PIK3C2G: variants seen among roughly 807,000 people sequenced by gnomAD.
PIK3C2G encodes the protein phosphatidylinositol-4-phosphate 3-kinase catalytic subunit type 2 gamma.
Under a neutral mutation model 181.1 loss-of-function variants are expected in PIK3C2G, and 168 were observed. That is an observed-to-expected ratio of 0.93 (90% CI 0.82 to 1.05). The LOEUF (loss-of-function observed/expected upper bound fraction) is 1.05. Ranked by LOEUF, PIK3C2G falls within the 50% of genes least tolerant of loss-of-function variation. The pLI is 0.00. For synonymous variants in PIK3C2G, 573 were observed against 592.2 expected, an observed-to-expected ratio of 0.97 and a Z score of 0.47; for missense variants, 1,869 against 1,732.8, an observed-to-expected ratio of 1.08 and a Z score of -1.40.
chr12:18,255,248 T>TAAACAAAC lies in PIK3C2G; in HGVS notation c.-79+7169_-79+7170insCAAACAAA, dbSNP rs879496888. Among the ~76,000 whole-genome samples the TAAACAAAC allele has an allele frequency of 4.6e-3, 631 of 135,704 alleles. 2 individuals are homozygous for TAAACAAAC. The highest frequency in any genetic ancestry group is 5.4e-3 in the Non-Finnish European group (331 of 61,020). 89.0% of individuals were successfully genotyped at this position (135,704 alleles called of 152,430 possible). On this transcript the variant is annotated intron_variant, in intron 1 of 11. Transcript: ENST00000535651. ...ATAAATAAATAAATAAATAAATAAA[T>TAAACAAAC]AAATAAACAAACAAACAAACAAATA...
intron 15 of PIK3C2G, among the ~76,000 whole-genome samples, chr12:18,399,047 T>C (rs1944064311): frequency 6.9e-6 from 1 of 145,032 alleles, no homozygotes; most frequent in Admixed American, 6.8e-5. Context: ...TACAAAAAAT[T>C]AGCCGGGCGT....
the PIK3C2G span, among the ~76,000 whole-genome samples, chr12:18,715,335 A>G: frequency 3.3e-5 from 5 of 151,982 alleles, no homozygotes; most frequent in Non-Finnish European, 5.9e-5. Flanking sequence ...TGGAGGCTTC[A>G]CCAACCAAGC....
At chr12:18,405,345 G>C (rs979363661) in intron 16 of PIK3C2G, among the ~76,000 whole-genome samples, 1 of 152,136 alleles carries the variant, frequency 6.6e-6, no homozygotes, top group African/African-American at 2.4e-5. Context: ...TAGCTATAGA[G>C]AGGAAGTATA....
intron 5 of PIK3C2G, among the ~76,000 whole-genome samples, chr12:18,297,480 G>T (rs1313113860): frequency 1.3e-5 from 2 of 151,880 alleles, no homozygotes; most frequent in African/African-American, 4.8e-5. Context: ...TAATGATCAA[G>T]TCAGGATATT....
intron 29 of PIK3C2G, among the ~76,000 whole-genome samples, chr12:18,572,580 C>G (rs1946013565): frequency 6.6e-6 from 1 of 151,458 alleles, no homozygotes; most frequent in Non-Finnish European, 1.5e-5. Context: ...TTACTTTTAT[C>G]ATGCTTGAGC....
At chr12:18,544,958 T>A (rs1944346271) in intron 25 of PIK3C2G, among the ~76,000 whole-genome samples, 1 of 151,878 alleles carries the variant, frequency 6.6e-6, no homozygotes. Flanking sequence ...AGTCTCCTAA[T>A]CTAGCCTCTA....
rs568729786 is a variant in PIK3C2G at position 18,491,536 on chromosome 12, G to C, written c.2771G>C (p.Cys924Ser). The stretch of plus-strand genomic sequence containing the variant: ...CATCTTCCTCTGAACCCTGCCCTAT[G>C]TATAAAAGGGATTGATCACGATGTA... ...TCHLPLNPAL[C>S]IKGIDHDACS... Residue 924 changes from cysteine (C) to serine (S), a missense_variant, in exon 20 of 33, where the codon TGT (cysteine) becomes TCT (serine). Transcript: ENST00000538779. The C allele has an allele frequency of 2.5e-6, 4 of 1,586,244 alleles. No individual in the cohort carries two copies. In the African/African-American group the frequency reaches 4.0e-5, roughly 16 times the overall value.
At chr12:18,347,775 G>A (rs1939811955) in intron 11 of PIK3C2G, among the ~76,000 whole-genome samples, 1 of 151,640 alleles carries the variant, frequency 6.6e-6, no homozygotes. Flanking sequence ...CTGAGATCGT[G>A]CCACTGCACT....
At position 18,354,051 on chromosome 12, in the gene PIK3C2G, A is replaced by G. The variant is rs530734045; in HGVS notation, c.1625+7215A>G. 3.3e-5 allele frequency among the ~76,000 whole-genome samples: 5 copies of G among 152,366 alleles called. No individual in the cohort carries two copies. The East Asian group carries it at 7.7e-4, about 23-fold the overall frequency. On this transcript the variant is annotated intron_variant, in intron 11 of 32. Transcript: ENST00000538779. ...TGATGCTATATGTGATACAAAGCTC[A>G]TAACCAAATCACTCTGTCACTTGCA... is the stretch of plus-strand genomic sequence containing the variant.
At chr12:18,502,937 G>A (rs1941593180) in intron 22 of PIK3C2G, among the ~76,000 whole-genome samples, 1 of 152,128 alleles carries the variant, frequency 6.6e-6, no homozygotes, top group Admixed American at 6.6e-5. Context: ...AAGCTTAAAT[G>A]TCCTCCCTTA....
chr12:18,699,745 G>A, the PIK3C2G span: 1 of 1,535,486 alleles, frequency 6.5e-7, no homozygotes, highest in Non-Finnish European at 9.0e-7. Flanking sequence ...CCCTAGCAGT[G>A]AATCTAACTC....
At chr12:18,544,210 G>T (rs1161424160) in intron 25 of PIK3C2G, among the ~76,000 whole-genome samples, 1 of 151,814 alleles carries the variant, frequency 6.6e-6, no homozygotes. Flanking sequence ...AGGTAACCAA[G>T]TGTGCCCAGT....
intron 1 of PIK3C2G, among the ~76,000 whole-genome samples, chr12:18,274,208 C>G (rs533769328): frequency 3.3e-5 from 5 of 152,244 alleles, no homozygotes; most frequent in South Asian, 4.1e-4. Context: ...GTTGGTGGGA[C>G]TGTAAACTAG....
chr12:18,309,603 C>A (rs1013234347), intron 5 of PIK3C2G, among the ~76,000 whole-genome samples: 2 of 151,764 alleles, frequency 1.3e-5, no homozygotes, highest in Non-Finnish European at 3.0e-5. Flanking sequence ...CTGAAGACAA[C>A]TTCTATATTA....
intron 11 of PIK3C2G, among the ~76,000 whole-genome samples, chr12:18,349,395 T>A (rs191858327): frequency 2.2e-4 from 33 of 152,216 alleles, no homozygotes; most frequent in Non-Finnish European, 5.9e-5. Context: ...TGAAACTAAT[T>A]TGTTAAGGTA....
intron 18 of PIK3C2G, among the ~76,000 whole-genome samples, chr12:18,466,715 A>G (rs1372061412): frequency 1.3e-5 from 2 of 151,924 alleles, no homozygotes. Flanking sequence ...GGTTCAATAA[A>G]TAGCACATAG....
In PIK3C2G at chr12:18,290,875, C is replaced by A. The variant is rs7133666; in HGVS notation, c.782C>A (p.Ala261Glu). 117,345 of 1,596,950 alleles carry A rather than the reference C, an allele frequency of 0.073. 5,109 individuals are homozygous for A. Among genetic ancestry groups the A allele is most frequent in the Non-Finnish European group, 0.086 (100,489 of 1,165,050 alleles). The change falls in exon 4 of 33, where the codon GCA becomes GAA. Residue 261 changes from alanine (A) to glutamate (E), a missense_variant. Transcript: ENST00000538779. ...KVKKIRERYH[A>E]ADVNFNSGKI... ...TTCAGAATCAGAGAAAGATATCATG[C>A]AGCTGATGTTAATTTCAATTCTGGG...
chr12:18,341,476 TA>T, intron 9 of PIK3C2G, among the ~76,000 whole-genome samples: 1 of 151,574 alleles, frequency 6.6e-6, no homozygotes, highest in South Asian at 2.1e-4. Flanking sequence ...GCATAGAAAT[TA>T]AAAAAGGAGT....
the PIK3C2G span, among the ~76,000 whole-genome samples, chr12:18,663,990 T>C: frequency 1.3e-5 from 2 of 152,076 alleles, no homozygotes; most frequent in Non-Finnish European, 2.9e-5. Context: ...AGTAAGCACA[T>C]AAAAACATGC....
Sources: gnomAD v4.1 joint callset for allele counts (sites outside exome capture counted in the v4.1 genomes callset) on GRCh38, gnomAD v4.1.1 for gene constraint, MANE v1.5 for transcripts, NCBI Gene and HGNC (gene_info 2026-07-23, HGNC 2026-07-21) for gene names.